The following SHISA9 variants were observed in gnomAD, a reference collection of about 807,000 sequenced individuals.
The protein encoded by SHISA9 is protein shisa-9.
A neutral mutation model predicts 38.0 loss-of-function variants in SHISA9; 13 were observed. That is an observed-to-expected ratio of 0.34 (90% CI 0.22 to 0.54). SHISA9 has a LOEUF of 0.54. SHISA9 is among the 20% of genes least tolerant of loss of function. SHISA9 has a pLI of 0.91. For missense variants in SHISA9, 538 were observed against 575.8 expected, an observed-to-expected ratio of 0.93 and a Z score of 0.67; for synonymous variants, 275 against 242.0, an observed-to-expected ratio of 1.14 and a Z score of -1.27.
chr16:13,262,572 T>A, the SHISA9 span, among the ~76,000 whole-genome samples: 3 of 150,762 alleles, frequency 2.0e-5, no homozygotes, highest in African/African-American at 7.3e-5. Flanking sequence ...CATAGAAGGA[T>A]CAATAGAGAA....
At chr16:13,267,819 A>G in the SHISA9 span, among the ~76,000 whole-genome samples, 3 of 151,504 alleles carry the variant, frequency 2.0e-5, no homozygotes. Flanking sequence ...TGGTTGTGAG[A>G]ATTTGGCCAG....
At chr16:13,142,838 A>G (rs539659039) in intron 2 of SHISA9, among the ~76,000 whole-genome samples, 3 of 152,078 alleles carry the variant, frequency 2.0e-5, no homozygotes, top group Non-Finnish European at 4.4e-5. Flanking sequence ...TAGAGGGGAC[A>G]TGATTCAGGA....
the SHISA9 span, among the ~76,000 whole-genome samples, chr16:13,499,413 TA>T: frequency 6.6e-6 from 1 of 152,164 alleles, no homozygotes; most frequent in Non-Finnish European, 1.5e-5. Context: ...GAGTGTTATT[TA>T]AGATTAAATG....
intron 2 of SHISA9, among the ~76,000 whole-genome samples, chr16:12,997,164 T>G (rs2072467375): frequency 6.6e-6 from 1 of 152,022 alleles, no homozygotes; most frequent in East Asian, 1.9e-4. Context: ...AGGTAACCAC[T>G]GTTTTGATTT....
intron 2 of SHISA9, among the ~76,000 whole-genome samples, chr16:13,015,892 T>TTCTTTCTTTCTTTCTTTCTTTC (rs2072744605): frequency 7.7e-6 from 1 of 129,172 alleles, no homozygotes; most frequent in Non-Finnish European, 1.7e-5. Context: ...CTTTCTTTCT[T>TTCTTTCTTTCTTTCTTTCTTTC]TCTTTCTTTC....
the SHISA9 span, among the ~76,000 whole-genome samples, chr16:13,527,541 G>C: frequency 6.6e-6 from 1 of 152,334 alleles, no homozygotes; most frequent in South Asian, 2.1e-4. Flanking sequence ...ATATAAGGTA[G>C]TGGCGTCAGC....
rs9925397 is a variant in SHISA9 at position 12,908,447 on chromosome 16, G to A, written c.563+5820G>A. 3.6e-3 allele frequency: 5,606 copies of A among 1,550,536 alleles called. 172 individuals are homozygous for A. In the African/African-American group the frequency reaches 0.068, roughly 19 times the overall value. On this transcript the variant is annotated intron_variant, in intron 1 of 4. Transcript: ENST00000558583. ...GCCATAAGCTTATGTGTAAATTCTC[G>A]TTTAATTTCATACCCTTCCCCCATG... is the stretch of plus-strand genomic sequence containing the variant.
chr16:13,511,022 T>C, the SHISA9 span, among the ~76,000 whole-genome samples: 1 of 152,194 alleles, frequency 6.6e-6, no homozygotes, highest in African/African-American at 2.4e-5. Flanking sequence ...AAGCAAAATT[T>C]AGCACATGGT....
At chr16:13,059,861 T>C (rs2073353749) in intron 2 of SHISA9, among the ~76,000 whole-genome samples, 2 of 152,056 alleles carry the variant, frequency 1.3e-5, no homozygotes, top group African/African-American at 2.4e-5. Flanking sequence ...AAGGCAGCCA[T>C]TGACAAGCCC....
chr16:13,020,324 C>T (rs1015334746), intron 2 of SHISA9, among the ~76,000 whole-genome samples: 9 of 151,980 alleles, frequency 5.9e-5, no homozygotes, highest in Non-Finnish European at 1.3e-4. Flanking sequence ...CCATGCCCAG[C>T]CCATTAGTTG....
At chr16:13,131,011 G>A (rs2141987002) in intron 2 of SHISA9, among the ~76,000 whole-genome samples, 1 of 152,272 alleles carries the variant, frequency 6.6e-6, no homozygotes, top group African/African-American at 2.4e-5. Flanking sequence ...TTACACTGTT[G>A]TGGGAATGTA....
chr16:13,222,125 T>C (rs1309756901), intron 4 of SHISA9, among the ~76,000 whole-genome samples: 3 of 152,168 alleles, frequency 2.0e-5, no homozygotes, highest in Non-Finnish European at 2.9e-5. Flanking sequence ...ATGAGACTTA[T>C]TCATTATCAC....
At chr16:13,499,357 T>C in the SHISA9 span, among the ~76,000 whole-genome samples, 1 of 152,238 alleles carries the variant, frequency 6.6e-6, no homozygotes, top group Admixed American at 6.5e-5. Flanking sequence ...TGGAATAGTA[T>C]GCAGATTCTA....
At chr16:13,256,142 T>C in the SHISA9 span, among the ~76,000 whole-genome samples, 1 of 152,190 alleles carries the variant, frequency 6.6e-6, no homozygotes, top group African/African-American at 2.4e-5. Flanking sequence ...ATAACTTTTC[T>C]CCTACATCTG....
At chr16:13,487,484 A>G in the SHISA9 span, among the ~76,000 whole-genome samples, 1 of 152,208 alleles carries the variant, frequency 6.6e-6, no homozygotes, top group Middle Eastern at 3.2e-3. Context: ...ACACTTTTAA[A>G]TGACCAGATC....
chr16:13,369,387 A>G, the SHISA9 span, among the ~76,000 whole-genome samples: 2 of 152,190 alleles, frequency 1.3e-5, no homozygotes, highest in Non-Finnish European at 2.9e-5. Flanking sequence ...GGTTTATTAA[A>G]TGAATCTATA....
chr16:13,286,330 A>T, the SHISA9 span, among the ~76,000 whole-genome samples: 1 of 152,142 alleles, frequency 6.6e-6, no homozygotes, highest in Non-Finnish European at 1.5e-5. Context: ...TTCTAAATTG[A>T]CTGAGACCTG....
At chr16:13,441,558 T>A in the SHISA9 span, among the ~76,000 whole-genome samples, 2 of 152,066 alleles carry the variant, frequency 1.3e-5, no homozygotes, top group African/African-American at 2.4e-5. Context: ...TTGTTTTGGG[T>A]TAAATGATGG....
intron 1 of SHISA9, among the ~76,000 whole-genome samples, chr16:12,906,774 T>G (rs923538710): frequency 6.6e-6 from 1 of 152,196 alleles, no homozygotes; most frequent in African/African-American, 2.4e-5. Context: ...CACTATTGAC[T>G]GGAGAATCCT....
Sources: gnomAD v4.1 joint callset for allele counts (sites outside exome capture counted in the v4.1 genomes callset) on GRCh38, gnomAD v4.1.1 for gene constraint, MANE v1.5 for transcripts, NCBI Gene and HGNC (gene_info 2026-07-23, HGNC 2026-07-21) for gene names.